TIAM1: variants seen among roughly 807,000 people sequenced by gnomAD.
TIAM1 encodes the protein rho guanine nucleotide exchange factor TIAM1.
In TIAM1, 65 loss-of-function variants were observed where a neutral mutation model predicts 163.5. That is an observed-to-expected ratio of 0.40 (90% CI 0.33 to 0.49). The LOEUF is 0.49. Ranked by LOEUF, TIAM1 falls within the 20% of genes least tolerant of loss-of-function variation. The pLI is 0.77. For missense variants in TIAM1, 1,789 were observed against 2,044.7 expected, an observed-to-expected ratio of 0.87 and a Z score of 2.41; for synonymous variants, 833 against 810.1, an observed-to-expected ratio of 1.03 and a Z score of -0.48.
At chr21:31,259,649 A>ATAATAATAC (rs2072339168) in intron 4 of TIAM1, among the ~76,000 whole-genome samples, 1 of 150,668 alleles carries the variant, frequency 6.6e-6, no homozygotes, top group Non-Finnish European at 1.5e-5. Context: ...AATAATAATA[A>ATAATAATAC]TAATAATCCT....
At chr21:31,160,322 G>A (rs753528578) in intron 16 of TIAM1, 6 of 396,872 alleles carry the variant, frequency 1.5e-5, no homozygotes, top group Non-Finnish European at 2.7e-5. Context: ...AGGGTAAAAG[G>A]ACAGAATACG....
At chr21:31,279,800 A>T (rs548599384) in intron 2 of TIAM1, among the ~76,000 whole-genome samples, 1 of 152,334 alleles carries the variant, frequency 6.6e-6, no homozygotes, top group Non-Finnish European at 1.5e-5. Flanking sequence ...AAATGTTTAA[A>T]CCATAAAGAA....
At chr21:31,460,502 C>T (rs2045283631) in intron 2 of TIAM1, among the ~76,000 whole-genome samples, 2 of 152,184 alleles carry the variant, frequency 1.3e-5, no homozygotes, top group Non-Finnish European at 2.9e-5. Context: ...TGGTGGGCAC[C>T]TGTAATCCCA....
At chr21:31,489,448 A>G (rs1186151007) in intron 1 of TIAM1, among the ~76,000 whole-genome samples, 7 of 143,184 alleles carry the variant, frequency 4.9e-5, no homozygotes, top group Non-Finnish European at 9.1e-5. Flanking sequence ...GCAGGAGGAG[A>G]AGAAAGAAAG....
intron 2 of TIAM1, among the ~76,000 whole-genome samples, chr21:31,324,015 A>C (rs909708305): frequency 6.6e-6 from 1 of 151,906 alleles, no homozygotes; most frequent in African/African-American, 2.4e-5. Context: ...CTCAAAAAAA[A>C]AAAAAAAAAT....
At chr21:31,457,254 A>G (rs2045140251) in intron 2 of TIAM1, among the ~76,000 whole-genome samples, 1 of 152,228 alleles carries the variant, frequency 6.6e-6, no homozygotes, top group Non-Finnish European at 1.5e-5. Flanking sequence ...AAGTGCAAGT[A>G]AATTCCACAG....
At chr21:31,362,726 C>G (rs1053652174) in intron 2 of TIAM1, among the ~76,000 whole-genome samples, 34 of 151,978 alleles carry the variant, frequency 2.2e-4, no homozygotes, top group African/African-American at 6.5e-4. Context: ...CTCAGCCTCC[C>G]AAAGTGCTTG....
chr21:31,126,972 A>G (rs2082223492), intron 26 of TIAM1, 93 bp downstream of exon 26: 1 of 1,253,788 alleles, frequency 8.0e-7, no homozygotes, highest in African/African-American at 1.5e-5. Context: ...AGTACAAACA[A>G]CGTACCAAAC....
In TIAM1 at chr21:31,533,418, A is replaced by G. The variant is rs1256765108; in HGVS notation, c.-422+25509T>C. 2.0e-5 allele frequency among the ~76,000 whole-genome samples: 3 copies of G among 152,194 alleles called. No homozygotes were observed. The South Asian group carries it at 6.2e-4, about 32-fold the overall frequency. On this transcript the variant is annotated intron_variant, in intron 1 of 28. Coordinates refer to the TIAM1 transcript ENST00000286827. ...CATAACCTATTTTATTCAACCAGGT[A>G]TATCACGGATACTATCATTTCAACA...
At chr21:31,405,038 T>C (rs1374028531) in intron 2 of TIAM1, among the ~76,000 whole-genome samples, 2 of 151,948 alleles carry the variant, frequency 1.3e-5, no homozygotes, top group African/African-American at 4.8e-5. Flanking sequence ...GCCCAGGAGT[T>C]TGAGACCAAC....
At chr21:31,418,845 C>T (rs944350456) in intron 2 of TIAM1, among the ~76,000 whole-genome samples, 6 of 152,056 alleles carry the variant, frequency 3.9e-5, no homozygotes, top group African/African-American at 7.2e-5. Flanking sequence ...AGCAGGGTGG[C>T]GAGGCCTCTT....
At chr21:31,233,115 C>A (rs777403391) in intron 6 of TIAM1, among the ~76,000 whole-genome samples, 1 of 151,986 alleles carries the variant, frequency 6.6e-6, no homozygotes, top group African/African-American at 2.4e-5. Flanking sequence ...CAATGGTTTA[C>A]GTAAGTGGCA....
At chr21:31,487,391 G>A (rs1157108711) in intron 1 of TIAM1, among the ~76,000 whole-genome samples, 1 of 152,046 alleles carries the variant, frequency 6.6e-6, no homozygotes, top group Admixed American at 6.6e-5. Context: ...CTTTTTTTGA[G>A]AAGGAGTCTC....
At chr21:31,459,701 G>T (rs560387961) in intron 2 of TIAM1, among the ~76,000 whole-genome samples, 1 of 152,176 alleles carries the variant, frequency 6.6e-6, no homozygotes, top group Admixed American at 6.5e-5. Context: ...TTACCATCAG[G>T]GGGTGGTGAA....
chr21:31,445,897 T>TA (rs1285796986), intron 2 of TIAM1, among the ~76,000 whole-genome samples: 1 of 152,180 alleles, frequency 6.6e-6, no homozygotes, highest in Non-Finnish European at 1.5e-5. Flanking sequence ...TTCATGGTTT[T>TA]ACTTTTGGTT....
rs190289969 is a variant in TIAM1, at chr21:31,520,670, T to G, written c.-422+38257A>C. Among the ~76,000 whole-genome samples the G allele has an allele frequency of 5.3e-5, 8 of 152,326 alleles. No homozygotes were observed. In the East Asian group the frequency reaches 1.3e-3, roughly 26 times the overall value. ...CGCAAAGCGAAAATCCAATTCCCTC[T>G]CTGTGTTTATGAAAGCCATTCCTTT... On this transcript the variant is annotated intron_variant, in intron 1 of 28. Transcript: ENST00000286827.
Position 31,451,714 on chromosome 21 carries a change from TGTGC to T in TIAM1, c.-369+12265_-369+12268del, listed in dbSNP as rs1438563841. ...GCACCAGGCTGAGTGAAAGCATGTG[TGTGC>T]GTGTGTGTGTGTGTGTGTGTGTGTG... On this transcript the variant is annotated intron_variant, in intron 2 of 28. Coordinates refer to the TIAM1 transcript ENST00000286827. Among the ~76,000 whole-genome samples the T allele has an allele frequency of 9.4e-3, 570 of 60,624 alleles. 11 individuals are homozygous for T. In the East Asian group the frequency reaches 0.097, roughly 10 times the overall value. 39.8% of individuals were successfully genotyped at this position (60,624 alleles called of 152,430 possible). A position where few individuals can be genotyped will look rare whatever the true frequency, so the allele number is the denominator to read the frequency against.
At position 31,371,624 on chromosome 21, in the gene TIAM1, T is replaced by C. The variant is rs75097706; in HGVS notation, c.-368-32202A>G. ...ATAGATTTTCAACCTTAAAAAGAAC[T>C]AAGGGTTGAACCACTTGGGTCATGA... On this transcript the variant is annotated intron_variant, in intron 2 of 28. Coordinates refer to the TIAM1 transcript ENST00000286827. Among the ~76,000 whole-genome samples the C allele has an allele frequency of 5.0e-3, 769 of 152,328 alleles. 5 individuals carry two copies. Among genetic ancestry groups the C allele is most frequent in the African/African-American group, 0.017 (712 of 41,576 alleles).
intron 1 of TIAM1, among the ~76,000 whole-genome samples, chr21:31,477,473 C>CTTT (rs2045968214): frequency 1.2e-5 from 1 of 82,882 alleles, no homozygotes; most frequent in Non-Finnish European, 2.3e-5. Flanking sequence ...GAACTAAATG[C>CTTT]ATTTTTTTTT....
Sources: gnomAD v4.1 joint callset for allele counts (sites outside exome capture counted in the v4.1 genomes callset) on GRCh38, gnomAD v4.1.1 for gene constraint, MANE v1.5 for transcripts, NCBI Gene and HGNC (gene_info 2026-07-23, HGNC 2026-07-21) for gene names.